Variants in DLG2 observed in about 807,000 individuals in gnomAD.
DLG2 encodes discs large MAGUK scaffold protein 2.
Under a neutral mutation model 132.5 loss-of-function variants are expected in DLG2, and 45 were observed. The observed-to-expected ratio is 0.34, with a 90% CI of 0.27 to 0.44. DLG2 has a LOEUF of 0.44. Among genes scored for constraint, DLG2 ranks in the 20% least tolerant of loss-of-function variants. DLG2 has a pLI of 1.00. For synonymous variants in DLG2, 424 were observed against 419.6 expected (o/e 1.01, Z -0.13); for missense variants, 1,045 against 1,196.9 (o/e 0.87, Z 1.87).
chr11:84,994,763 G>A (rs1249985731), intron 6 of DLG2, among the ~76,000 whole-genome samples: 1 of 152,056 alleles, frequency 6.6e-6, no homozygotes, highest in Non-Finnish European at 1.5e-5. Context: ...GCCAAAAAGG[G>A]AGGCATCCAT....
chr11:84,318,340 A>C (rs1216651865), intron 7 of DLG2, among the ~76,000 whole-genome samples: 1 of 152,342 alleles, frequency 6.6e-6, no homozygotes, highest in East Asian at 1.9e-4. Context: ...CATTTCCAAA[A>C]TGTCTATCCT....
intron 6 of DLG2, among the ~76,000 whole-genome samples, chr11:85,054,474 A>G (rs924629095): frequency 6.6e-6 from 1 of 152,168 alleles, no homozygotes; most frequent in African/African-American, 2.4e-5. Flanking sequence ...ATTTCTCAAA[A>G]AACTTTAAAC....
chr11:85,169,684 TCA>T (rs999217532), intron 4 of DLG2, among the ~76,000 whole-genome samples: 5 of 152,196 alleles, frequency 3.3e-5, no homozygotes, highest in Non-Finnish European at 5.9e-5. Context: ...GTAATATTCC[TCA>T]GTCTTTCTTC....
intron 3 of DLG2, among the ~76,000 whole-genome samples, chr11:85,461,296 G>A (rs1349527985): frequency 3.3e-5 from 5 of 152,204 alleles, no homozygotes; most frequent in Non-Finnish European, 7.3e-5. Flanking sequence ...GTGTCAGGAT[G>A]CTTGCCAAAG....
At chr11:84,699,983 T>C (rs1382499603) in intron 6 of DLG2, among the ~76,000 whole-genome samples, 2 of 151,596 alleles carry the variant, frequency 1.3e-5, no homozygotes, top group Non-Finnish European at 3.0e-5. Flanking sequence ...TATTTATTCA[T>C]CTGTATAATG....
rs779145458 is a variant in DLG2 at position 83,470,489 on chromosome 11, A to C, written c.2447-1116T>G. On this transcript the variant is annotated intron_variant, in intron 24 of 27. Coordinates refer to ENST00000376104, the MANE Select transcript of DLG2 (RefSeq NM_001142699.3). ...ATCACAAAATGGTTCTATTAATTCA[A>C]AAAAGAGAGAATATGCAAGGTGAAA... 2.5e-4 allele frequency among the ~76,000 whole-genome samples: 38 copies of C among 152,316 alleles called. 1 individual carries two copies. The highest frequency in any genetic ancestry group is 3.4e-3 in the Middle Eastern group (1 of 294).
intron 14 of DLG2, among the ~76,000 whole-genome samples, chr11:83,938,325 T>G (rs964543266): frequency 6.6e-6 from 1 of 151,816 alleles, no homozygotes; most frequent in African/African-American, 2.4e-5. Context: ...CTGCTGAGAG[T>G]AGCAATTCTA....
At chr11:84,491,884 C>A (rs552999140) in intron 7 of DLG2, among the ~76,000 whole-genome samples, 1 of 152,110 alleles carries the variant, frequency 6.6e-6, no homozygotes, top group Non-Finnish European at 1.5e-5. Context: ...ATTGATTAAG[C>A]TCCTTTCCCA....
At chr11:84,296,368 C>T (rs534843993) in intron 7 of DLG2, among the ~76,000 whole-genome samples, 77 of 152,226 alleles carry the variant, frequency 5.1e-4, no homozygotes, top group African/African-American at 1.8e-3. Flanking sequence ...CAATCTCTTA[C>T]CCTGTTTCTC....
At chr11:84,035,482 C>T (rs1262976704) in intron 11 of DLG2, among the ~76,000 whole-genome samples, 1 of 152,146 alleles carries the variant, frequency 6.6e-6, no homozygotes, top group Non-Finnish European at 1.5e-5. Flanking sequence ...GAATAGCCAA[C>T]TACAAAAGCT....
At chr11:83,638,979 C>T (rs616414) in intron 18 of DLG2, among the ~76,000 whole-genome samples, 91,179 of 152,074 alleles carry the variant, frequency 0.6, 29,717 homozygotes, top group East Asian at 0.84. Context: ...GTAAGTAAGG[C>T]GACTCAGAAT....
chr11:84,011,058 A>C (rs1034798263), intron 11 of DLG2, among the ~76,000 whole-genome samples: 1 of 151,832 alleles, frequency 6.6e-6, no homozygotes, highest in African/African-American at 2.4e-5. Flanking sequence ...AGAAGCATGA[A>C]AAATCTTTTT....
At chr11:83,976,140 A>G (rs1289462934) in intron 12 of DLG2, among the ~76,000 whole-genome samples, 1 of 151,936 alleles carries the variant, frequency 6.6e-6, no homozygotes, top group Non-Finnish European at 1.5e-5. Context: ...TTGAGAAACT[A>G]AAAGAGTTAT....
At chr11:85,353,474 A>C (rs1414210232) in intron 3 of DLG2, among the ~76,000 whole-genome samples, 1 of 152,196 alleles carries the variant, frequency 6.6e-6, no homozygotes, top group Non-Finnish European at 1.5e-5. Context: ...TGGACCGAGC[A>C]ATCCTATTAC....
At chr11:84,401,646 C>T (rs958225413) in intron 7 of DLG2, among the ~76,000 whole-genome samples, 3 of 152,162 alleles carry the variant, frequency 2.0e-5, no homozygotes, top group Non-Finnish European at 4.4e-5. Flanking sequence ...CTGGACCCAG[C>T]AAAAGAGTTA....
intron 10 of DLG2, among the ~76,000 whole-genome samples, chr11:84,081,355 G>C (rs1323966824): frequency 6.6e-6 from 1 of 151,224 alleles, no homozygotes; most frequent in Non-Finnish European, 1.5e-5. Flanking sequence ...TCCAGAAGCT[G>C]GTTTTAATTA....
At chr11:84,803,878 C>T (rs948110975) in intron 6 of DLG2, among the ~76,000 whole-genome samples, 9 of 152,182 alleles carry the variant, frequency 5.9e-5, no homozygotes, top group South Asian at 2.1e-4. Context: ...GAGACCTAGG[C>T]TATCCTGTTC....
chr11:85,157,282 T>C (rs2152464986), intron 4 of DLG2, among the ~76,000 whole-genome samples: 1 of 152,170 alleles, frequency 6.6e-6, no homozygotes, highest in Middle Eastern at 3.4e-3. Context: ...CATATATATA[T>C]ATGTGATTCT....
chr11:85,515,697 A>C (rs2153166907), intron 3 of DLG2, among the ~76,000 whole-genome samples: 1 of 152,096 alleles, frequency 6.6e-6, no homozygotes, highest in Non-Finnish European at 1.5e-5. Flanking sequence ...AAGTGGCAAC[A>C]CTGGTTTTGT....
Sources: allele counts gnomAD v4.1 joint callset (sites outside exome capture counted in the v4.1 genomes callset), GRCh38; gene constraint gnomAD v4.1.1; transcripts MANE v1.5; gene names NCBI Gene and HGNC (gene_info 2026-07-23, HGNC 2026-07-21).